The following CD247 variants were observed in gnomAD, a reference collection of about 807,000 sequenced individuals.
CD247 encodes the protein T-cell surface glycoprotein CD3 zeta chain.
CD247 carries 13 observed loss-of-function variants against 30.0 expected under a neutral mutation model. The ratio of observed to expected loss-of-function variants is 0.43; its 90% CI spans 0.28 to 0.69. CD247 has a LOEUF of 0.69. CD247 is among the 30% of genes least tolerant of loss of function. The pLI is 0.16. For synonymous variants in CD247, 72 were observed against 80.0 expected (o/e 0.90, Z 0.53); for missense variants, 193 against 212.6 (o/e 0.91, Z 0.57).
At chr1:167,501,017 T>C (rs1194949926) in intron 1 of CD247, among the ~76,000 whole-genome samples, 1 of 151,336 alleles carries the variant, frequency 6.6e-6, no homozygotes, top group Non-Finnish European at 1.5e-5. Flanking sequence ...TGGAGGTATA[T>C]ATGGACCCAG....
chr1:167,506,234 TCTTTTCTTTTCC>T (rs1655109564), intron 1 of CD247, among the ~76,000 whole-genome samples: 3 of 53,560 alleles, frequency 5.6e-5, no homozygotes, highest in African/African-American at 3.2e-4. Flanking sequence ...TCTTTTCTTT[TCTTTTCTTTTCC>T]TTTTCTTTTC....
intron 1 of CD247, among the ~76,000 whole-genome samples, chr1:167,484,751 C>T (rs35068400): frequency 6.6e-6 from 1 of 152,158 alleles, no homozygotes; most frequent in African/African-American, 2.4e-5. Flanking sequence ...CAGTCCAGCC[C>T]GGCGACAGAG....
rs1651718044 is a variant in CD247, at chr1:167,439,468, C to T, written c.163-68G>A. On this transcript the variant is annotated intron_variant, in intron 2 of 7. Transcript: ENST00000362089. The stretch of plus-strand genomic sequence containing the variant: ...GCGCAGGGGAGCCGGGGTGCCAGGG[C>T]GCGCGGCGACCCGAGGGACAGCCCT... The T allele has an allele frequency of 8.3e-6, 12 of 1,443,868 alleles. 1 individual carries two copies. The highest frequency in any genetic ancestry group is 1.8e-4 in the Middle Eastern group (1 of 5,656). The allele number at this position is 1,443,868 out of a possible 1,614,324, so 89.4% of individuals were successfully genotyped here.
At position 167,480,790 on chromosome 1, in the gene CD247, G is replaced by T. The variant is rs377245654; in HGVS notation, c.58+37618C>A. Among the ~76,000 whole-genome samples the T allele has an allele frequency of 9.5e-4, 144 of 152,158 alleles. No homozygotes were observed. The South Asian group carries it at 0.012, about 12-fold the overall frequency. On this transcript the variant is annotated intron_variant, in intron 1 of 7. Coordinates refer to ENST00000362089, the MANE Select transcript of CD247 (RefSeq NM_198053.3). ...AAAGCATTTTTATAATTTTGCTTTTGAAATTATTTGGTTACAAGTAATTCA... is the reference window on the plus strand; with the variant it reads ...AAAGCATTTTTATAATTTTGCTTTTTAAATTATTTGGTTACAAGTAATTCA...
chr1:167,452,411 CAAAA>C (rs34079142), intron 1 of CD247, among the ~76,000 whole-genome samples: 2 of 104,666 alleles, frequency 1.9e-5, no homozygotes, highest in Non-Finnish European at 1.9e-5. Flanking sequence ...AAGACTCTAT[CAAAA>C]AAAAAAAAAA....
intron 1 of CD247, among the ~76,000 whole-genome samples, chr1:167,517,363 C>A (rs777576606): frequency 7.2e-5 from 11 of 152,190 alleles, no homozygotes; most frequent in Admixed American, 7.2e-4. Context: ...TCAGGTGGGC[C>A]GAGGACATTT....
Position 167,431,744 on chromosome 1 carries a change from A to T in CD247, c.432T>A (p.Gly144=), listed in dbSNP as rs774009693. 6.2e-7 allele frequency: 1 copy of T among 1,613,654 alleles called. No homozygotes were observed. The highest frequency in any genetic ancestry group is 8.5e-7 in the Non-Finnish European group (1 of 1,179,848). ...RGKGHDGLYQ[G]LSTATKDTYD... ...AGGTGTCCTTGGTGGCTGTACTGAG[A>T]CCCTGGCGTGAAAGCAAATCAGAAA... The change falls in exon 8 of 8, where the codon GGT becomes GGA. Residue 144 remains glycine (G), a splice_region_variant and synonymous_variant. Coordinates refer to ENST00000362089, the MANE Select transcript of CD247 (RefSeq NM_198053.3).
At chr1:167,434,204 A>G (rs1214914430) in intron 5 of CD247, 128 bp from the exon 6 acceptor site, 23 of 830,706 alleles carry the variant, frequency 2.8e-5, no homozygotes, top group Admixed American at 5.3e-5. Context: ...TCCCACAATC[A>G]AGGCTCCAAA....
intron 1 of CD247, among the ~76,000 whole-genome samples, chr1:167,473,248 C>G (rs535143437): frequency 2.0e-5 from 3 of 152,174 alleles, no homozygotes; most frequent in Non-Finnish European, 4.4e-5. Flanking sequence ...CCAGCTGTCC[C>G]GAGCTGCCCT....
At chr1:167,484,515 G>A (rs1654120343) in intron 1 of CD247, among the ~76,000 whole-genome samples, 1 of 152,230 alleles carries the variant, frequency 6.6e-6, no homozygotes, top group Non-Finnish European at 1.5e-5. Flanking sequence ...GGTGGCTCAC[G>A]CCTGTGATCC....
chr1:167,454,981 G>T (rs1652566345), intron 1 of CD247, among the ~76,000 whole-genome samples: 1 of 152,226 alleles, frequency 6.6e-6, no homozygotes, highest in Non-Finnish European at 1.5e-5. Context: ...GCATCCATCG[G>T]CTAGCCCAAG....
At chr1:167,446,225 G>A (rs999419254) in intron 1 of CD247, among the ~76,000 whole-genome samples, 5 of 152,202 alleles carry the variant, frequency 3.3e-5, no homozygotes, top group South Asian at 4.2e-4. Flanking sequence ...TAGTCACAAC[G>A]GCTTGTAAAC....
At chr1:167,470,706 G>GT (rs1329829338) in intron 1 of CD247, among the ~76,000 whole-genome samples, 1 of 151,208 alleles carries the variant, frequency 6.6e-6, no homozygotes, top group East Asian at 1.9e-4. Context: ...ATTTTTCTTA[G>GT]TATTACCTAT....
intron 1 of CD247, among the ~76,000 whole-genome samples, chr1:167,502,191 A>G (rs755131569): frequency 1.3e-5 from 2 of 152,152 alleles, no homozygotes; most frequent in Non-Finnish European, 2.9e-5. Context: ...ATGCCACCTA[A>G]TGGCAAAGCC....
At chr1:167,508,297 C>T (rs1184423324) in intron 1 of CD247, among the ~76,000 whole-genome samples, 6 of 152,198 alleles carry the variant, frequency 3.9e-5, no homozygotes, top group African/African-American at 1.4e-4. Context: ...TTATAGCAGC[C>T]TCCCTCATGG....
intron 1 of CD247, among the ~76,000 whole-genome samples, chr1:167,514,121 A>G (rs1199877345): frequency 1.3e-5 from 2 of 152,066 alleles, no homozygotes; most frequent in Non-Finnish European, 2.9e-5. Context: ...TTCATTCAAC[A>G]ATTCTTATTT....
chr1:167,450,673 G>A (rs1459404800), intron 1 of CD247, among the ~76,000 whole-genome samples: 1 of 152,128 alleles, frequency 6.6e-6, no homozygotes, highest in African/African-American at 2.4e-5. Context: ...CCAGCACTTT[G>A]GAAGGCCGAG....
intron 7 of CD247, among the ~76,000 whole-genome samples, chr1:167,432,624 G>C (rs1310569078): frequency 2.6e-5 from 4 of 152,148 alleles, no homozygotes; most frequent in African/African-American, 9.7e-5. Context: ...TTTTCCTTCA[G>C]TCTTCCCAGC....
chr1:167,500,485 AG>A (rs1457695790), intron 1 of CD247, among the ~76,000 whole-genome samples: 1 of 152,268 alleles, frequency 6.6e-6, no homozygotes, highest in Non-Finnish European at 1.5e-5. Context: ...GGTATGAATT[AG>A]AGAGGTGGCC....
Sources: gnomAD v4.1 joint callset for allele counts (sites outside exome capture counted in the v4.1 genomes callset) on GRCh38, gnomAD v4.1.1 for gene constraint, MANE v1.5 for transcripts, NCBI Gene and HGNC (gene_info 2026-07-23, HGNC 2026-07-21) for gene names.